ANTXR1: variants seen among roughly 807,000 people sequenced by gnomAD.
The protein encoded by ANTXR1 is anthrax toxin receptor 1.
A neutral mutation model predicts 78.1 loss-of-function variants in ANTXR1; 19 were observed. The ratio of observed to expected loss-of-function variants is 0.24; its 90% confidence interval spans 0.17 to 0.36. The LOEUF (loss-of-function observed/expected upper bound fraction) is 0.36. Among genes scored for constraint, ANTXR1 ranks in the 10% least tolerant of loss-of-function variants. ANTXR1 has a pLI of 1.00. For synonymous variants in ANTXR1, 273 were observed against 260.5 expected (o/e 1.05, Z -0.46); for missense variants, 518 against 718.6 (o/e 0.72, Z 3.19).
chr2:69,212,125 A>C (rs575951897), intron 17 of ANTXR1, among the ~76,000 whole-genome samples: 1 of 152,318 alleles, frequency 6.6e-6, no homozygotes, highest in African/African-American at 2.4e-5. Context: ...AATACCTTGC[A>C]TATGGTAGAA....
Position 69,193,365 on chromosome 2 carries a change from A to G in ANTXR1, c.1384A>G (p.Arg462Gly), listed in dbSNP as rs1279218075. 1 of 1,613,752 alleles carries G rather than the reference A, an allele frequency of 6.2e-7. No homozygotes were observed. Among genetic ancestry groups the G allele is most frequent in the Admixed American group, 1.7e-5 (1 of 59,990 alleles). ...GKLDALWVLL[R>G]KGYDRVSVMR... ...ACTCGATGCCTTGTGGGTCCTACTG[A>G]GGAAAGGATATGATCGTGTGTCTGT... is the stretch of plus-strand genomic sequence containing the variant. The change falls in exon 17 of 18, where the codon AGG becomes GGG. Residue 462 changes from arginine to glycine, a missense_variant. Around this residue, in one of 5 missense-constraint regions of ANTXR1, gnomAD observed 192 missense variants for 230.2 expected, o/e 0.83. Coordinates refer to ENST00000303714, the MANE Select transcript of ANTXR1 (RefSeq NM_032208.3).
intron 9 of ANTXR1, among the ~76,000 whole-genome samples, chr2:69,094,546 C>T (rs1272899203): frequency 6.6e-6 from 1 of 152,176 alleles, no homozygotes; most frequent in Non-Finnish European, 1.5e-5. Context: ...AGCCTCTTCC[C>T]TTCACTCTGT....
At chr2:69,023,486 A>C (rs1671256266) in intron 1 of ANTXR1, among the ~76,000 whole-genome samples, 1 of 147,528 alleles carries the variant, frequency 6.8e-6, no homozygotes, top group African/African-American at 2.6e-5. Context: ...GATGATGGTG[A>C]TGGTGATATG....
intron 1 of ANTXR1, among the ~76,000 whole-genome samples, chr2:69,019,614 T>C (rs943626016): frequency 6.7e-6 from 1 of 148,646 alleles, no homozygotes; most frequent in Non-Finnish European, 1.5e-5. Flanking sequence ...ATAAAAGATG[T>C]TAAAAAAAAG....
intron 17 of ANTXR1, among the ~76,000 whole-genome samples, chr2:69,242,310 C>T (rs575587304): frequency 2.0e-5 from 3 of 152,194 alleles, no homozygotes; most frequent in Non-Finnish European, 4.4e-5. Context: ...TTCATCCCAT[C>T]TTCAGGGGAC....
chr2:69,199,718 TG>T (rs1380703984), intron 17 of ANTXR1, among the ~76,000 whole-genome samples: 2 of 152,038 alleles, frequency 1.3e-5, no homozygotes, highest in Non-Finnish European at 2.9e-5. Context: ...TAGGATCACC[TG>T]GGAATCACAA....
chr2:69,237,218 AT>A (rs1259270932), intron 17 of ANTXR1, among the ~76,000 whole-genome samples: 1 of 152,170 alleles, frequency 6.6e-6, no homozygotes, highest in African/African-American at 2.4e-5. Context: ...ATCCAAAGAC[AT>A]TATTATGGAG....
At chr2:69,230,869 C>T (rs1675578956) in intron 17 of ANTXR1, among the ~76,000 whole-genome samples, 1 of 152,160 alleles carries the variant, frequency 6.6e-6, no homozygotes, top group Non-Finnish European at 1.5e-5. Context: ...AAACATGTGT[C>T]ATGGGGGCTT....
chr2:69,219,119 G>A (rs4365492), intron 17 of ANTXR1, among the ~76,000 whole-genome samples: 7,127 of 152,116 alleles, frequency 0.047, 420 homozygotes, highest in African/African-American at 0.13. Context: ...CATCCACCAC[G>A]AAAGGGCAGC....
At chr2:69,142,552 C>T (rs917200734) in intron 12 of ANTXR1, among the ~76,000 whole-genome samples, 6 of 152,208 alleles carry the variant, frequency 3.9e-5, no homozygotes, top group African/African-American at 1.4e-4. Flanking sequence ...GTTTCCCACT[C>T]AATGACAAGG....
At chr2:69,213,851 C>A (rs1675111673) in intron 17 of ANTXR1, among the ~76,000 whole-genome samples, 2 of 152,270 alleles carry the variant, frequency 1.3e-5, no homozygotes, top group African/African-American at 4.8e-5. Context: ...TCAACATTCC[C>A]TGTGACTTTT....
intron 17 of ANTXR1, among the ~76,000 whole-genome samples, chr2:69,227,782 G>A (rs997978920): frequency 6.6e-6 from 1 of 152,150 alleles, no homozygotes; most frequent in Non-Finnish European, 1.5e-5. Context: ...TTAGAATTTG[G>A]ACATATAATT....
intron 14 of ANTXR1, among the ~76,000 whole-genome samples, chr2:69,178,895 C>G (rs1674201775): frequency 1.3e-5 from 2 of 152,146 alleles, no homozygotes; most frequent in South Asian, 2.1e-4. Flanking sequence ...GGCTCATGAA[C>G]CTAGTTGAGT....
Position 69,013,977 on chromosome 2 carries a change from G to GT in ANTXR1, c.152+328dup, listed in dbSNP as rs1670947813. Among the ~76,000 whole-genome samples the GT allele has an allele frequency of 6.6e-6, 1 of 152,236 alleles. No individual in the cohort carries two copies. Among genetic ancestry groups the GT allele is most frequent in the South Asian group, 2.1e-4 (1 of 4,834 alleles). On this transcript the variant is annotated intron_variant, in intron 1 of 17. Coordinates refer to ENST00000303714, the MANE Select transcript of ANTXR1 (RefSeq NM_032208.3). This position sits in a 1 kb window ranked among gnomAD's most constrained non-coding sequence, Gnocchi z 5.0. ...CTGAGTTTCTGTGACTCCCTCCCGT[G>GT]TTGGTGGGAAAGGCTTGCTTACCAA...
intron 9 of ANTXR1, among the ~76,000 whole-genome samples, chr2:69,100,321 G>A (rs549404986): frequency 1.3e-5 from 2 of 152,312 alleles, no homozygotes; most frequent in Admixed American, 1.3e-4. Flanking sequence ...CCAAATGTGT[G>A]CACTAACACA....
chr2:69,107,114 T>TC (rs34557549), intron 10 of ANTXR1, among the ~76,000 whole-genome samples: 2,288 of 148,564 alleles, frequency 0.015, 15 homozygotes, highest in Non-Finnish European at 0.018. Context: ...GGAAATTTCA[T>TC]CCCCCCCCCG....
In ANTXR1 at chr2:69,090,762, C is replaced by T. The variant is rs1321921961; in HGVS notation, c.643-97C>T. The stretch of plus-strand genomic sequence containing the variant: ...CCACCGCAACCAAATGTCCTTGAAC[C>T]TTCCTATCTCTATCTCAGTAGCTAA... On this transcript the variant is annotated intron_variant, in intron 8 of 17. Coordinates refer to ENST00000303714, the MANE Select transcript of ANTXR1 (RefSeq NM_032208.3). The T allele has an allele frequency of 7.1e-6, 9 of 1,260,096 alleles. No homozygotes were observed. In the African/African-American group the frequency reaches 1.3e-4, roughly 19 times the overall value. 78.1% of individuals were successfully genotyped at this position (1,260,096 alleles called of 1,614,324 possible).
At chr2:69,198,928 C>T (rs1169375454) in intron 17 of ANTXR1, among the ~76,000 whole-genome samples, 1 of 152,160 alleles carries the variant, frequency 6.6e-6, no homozygotes, top group Non-Finnish European at 1.5e-5. Context: ...TAGAAAGTGA[C>T]TTGGATTTAC....
At chr2:69,105,754 A>AT (rs1011197516) in intron 10 of ANTXR1, among the ~76,000 whole-genome samples, 2 of 151,870 alleles carry the variant, frequency 1.3e-5, no homozygotes, top group African/African-American at 4.8e-5. Flanking sequence ...TTTTTTCAAG[A>AT]TTTTTTTTCC....
Sources: gnomAD v4.1 joint callset for allele counts (sites outside exome capture counted in the v4.1 genomes callset) on GRCh38, gnomAD v4.1.1 for gene constraint, gnomAD v4.1.1 regional missense constraint, Gnocchi (gnomAD v3.1) non-coding constraint, MANE v1.5 for transcripts, NCBI Gene and HGNC (gene_info 2026-07-23, HGNC 2026-07-21) for gene names.